Variants in XKR5 observed in about 807,000 individuals in gnomAD.
XKR5 encodes XK related 5, also known as XK-related protein 5.
XKR5 carries 46 observed loss-of-function variants against 40.8 expected under a neutral mutation model. The ratio of observed to expected loss-of-function variants is 1.13; its 90% confidence interval spans 0.89 to 1.44. The LOEUF is 1.44. XKR5 is among the 40% of genes most tolerant of loss of function. The probability of loss-of-function intolerance (pLI) is 0.00; values close to 1 mark genes in which losing one functional copy is unlikely to be tolerated. For missense variants in XKR5, 1,169 were observed against 844.7 expected, an observed-to-expected ratio of 1.38 and a Z score of -4.76; for synonymous variants, 466 against 356.1, an observed-to-expected ratio of 1.31 and a Z score of -3.48.
At chr8:6,833,193 C>T (rs115223042) in intron 1 of XKR5, among the ~76,000 whole-genome samples, 46 of 152,332 alleles carry the variant, frequency 3.0e-4, no homozygotes, top group African/African-American at 1.1e-3. Flanking sequence ...CATCCCAGGG[C>T]CCAGTGCCAG....
intron 2 of XKR5, among the ~76,000 whole-genome samples, chr8:6,827,967 C>G (rs1403665528): frequency 6.6e-6 from 1 of 151,888 alleles, no homozygotes; most frequent in Non-Finnish European, 1.5e-5. Context: ...ACTCAGGAGG[C>G]TGAGATGGGA....
intron 3 of XKR5, among the ~76,000 whole-genome samples, chr8:6,824,511 CT>C (rs1224812278): frequency 6.6e-6 from 1 of 152,116 alleles, no homozygotes; most frequent in African/African-American, 2.4e-5. Context: ...GTATAAGCCT[CT>C]GGCTTTGTTA....
intron 5 of XKR5, among the ~76,000 whole-genome samples, chr8:6,817,368 C>G (rs1412500173): frequency 6.6e-6 from 1 of 152,140 alleles, no homozygotes; most frequent in Non-Finnish European, 1.5e-5. Flanking sequence ...CATGCTCTTC[C>G]CAAACGACAT....
chr8:6,825,086 G>T lies in XKR5; in HGVS notation c.427+79C>A, dbSNP rs1342346981. On this transcript the variant is annotated intron_variant, in intron 3 of 6. Coordinates refer to ENST00000618742, the MANE Select transcript of XKR5 (RefSeq NM_207411.5). The stretch of plus-strand genomic sequence containing the variant: ...CTAAGCAGAGGAAATCTCGAAGGGA[G>T]GGTTTTGCTAAACAGGCTCACATTC... The T allele has an allele frequency of 7.1e-6, 11 of 1,547,802 alleles. No individual in the cohort carries two copies. In the African/African-American group the frequency reaches 1.5e-4, roughly 21 times the overall value.
chr8:6,833,986 C>A (rs1168467328), intron 1 of XKR5, among the ~76,000 whole-genome samples: 2 of 152,164 alleles, frequency 1.3e-5, no homozygotes, highest in Non-Finnish European at 2.9e-5. Flanking sequence ...AGAGAATGTG[C>A]ACTCCGCAGT....
chr8:6,825,079 G>C, intron 3 of XKR5, 86 bp downstream of exon 3: 2 of 1,521,622 alleles, frequency 1.3e-6, no homozygotes, highest in Non-Finnish European at 1.8e-6. Context: ...AGGAAATCTC[G>C]AAGGGAGGGT....
intron 2 of XKR5, among the ~76,000 whole-genome samples, chr8:6,830,264 C>G (rs184837880): frequency 1.3e-4 from 20 of 152,306 alleles, no homozygotes; most frequent in African/African-American, 4.8e-4. Context: ...GTGCCAAACG[C>G]AATTGTTTTG....
chr8:6,828,390 G>A (rs1804616688), intron 2 of XKR5, among the ~76,000 whole-genome samples: 1 of 152,196 alleles, frequency 6.6e-6, no homozygotes, highest in South Asian at 2.1e-4. Flanking sequence ...AATATCTGGT[G>A]CTTGGTAAGG....
Position 6,821,911 on chromosome 8 carries a change from G to T in XKR5, c.765C>A (p.Phe255Leu), listed in dbSNP as rs777460487. Residue 255 changes from phenylalanine (F) to leucine (L), a missense_variant, in exon 5 of 7, where the codon TTC (phenylalanine) becomes TTA (leucine). By Grantham distance (22) the Phe-to-Leu change is conservative. Transcript: ENST00000618742. ...GAVYILCYLS[F>L]WDSPSRNRMV... ...TCCTATTTCTAGAAGGGCTGTCCCA[G>T]AAGCTGAGGTAGCAGAGGATGTACA... is the stretch of plus-strand genomic sequence containing the variant. 6.8e-6 allele frequency: 11 copies of T among 1,613,406 alleles called. No homozygotes were observed. The Admixed American group carries it at 1.5e-4, about 22-fold the overall frequency.
chr8:6,827,795 G>A (rs749150900), intron 2 of XKR5, among the ~76,000 whole-genome samples: 5 of 152,164 alleles, frequency 3.3e-5, no homozygotes, highest in African/African-American at 1.2e-4. Flanking sequence ...GACCACAGGC[G>A]AAGTAAGAGA....
chr8:6,825,435 T>C, intron 2 of XKR5, 86 bp from the exon 3 acceptor site: 1 of 1,342,714 alleles, frequency 7.4e-7, no homozygotes, highest in Middle Eastern at 2.7e-4. Flanking sequence ...ACATACTACA[T>C]GCTAAGCAAT....
chr8:6,811,843 TTC>T lies in XKR5; in HGVS notation c.1414_1415del (p.Glu472ArgfsTer4), dbSNP rs1421860374. ...PSTLENSSAF[E>X]GVPKAEADPL... is the part of the protein sequence containing the mutation. The stretch of plus-strand genomic sequence containing the variant: ...GGTCGGCCTCTGCTTTAGGGACACC[TTC>T]AAACGCAGAGCTGTTCTCTAAGGTT... On this transcript the variant is annotated frameshift_variant, in exon 7 of 7. Coordinates refer to ENST00000618742, the MANE Select transcript of XKR5 (RefSeq NM_207411.5). LOFTEE classifies it low-confidence loss of function (END_TRUNC). 1 of 1,537,624 alleles carries T rather than the reference TTC, an allele frequency of 6.5e-7. No homozygotes were observed. Among genetic ancestry groups the T allele is most frequent in the Non-Finnish European group, 8.7e-7 (1 of 1,146,996 alleles).
intron 2 of XKR5, among the ~76,000 whole-genome samples, chr8:6,830,150 T>G (rs1804695008): frequency 2.0e-5 from 3 of 152,200 alleles, no homozygotes; most frequent in Admixed American, 2.0e-4. Context: ...ATCCTTGCAT[T>G]TTTATAAGCA....
Position 6,811,726 on chromosome 8 carries a change from G to A in XKR5, c.1533C>T (p.Thr511=), listed in dbSNP as rs1803702557. ...AAACAGCGTCAGCTCCTTCCTTTGG[G>A]GTGCCCTCCCCCTGCGTGGCTGCTG... ...QNPAATQGEG[T]PKEGADAVSG... The change falls in exon 7 of 7, where the codon ACC becomes ACT. Residue 511 remains threonine, a synonymous_variant. Transcript: ENST00000618742. 9 of 1,537,570 alleles carry A rather than the reference G, an allele frequency of 5.9e-6. No homozygotes were observed. Among genetic ancestry groups the A allele is most frequent in the South Asian group, 1.2e-5 (1 of 84,062 alleles).
rs1389657721 is a variant in XKR5 at position 6,811,731 on chromosome 8, C to T, written c.1528G>A (p.Gly510Ser). 6.5e-7 allele frequency: 1 copy of T among 1,537,472 alleles called. No homozygotes were observed. Among genetic ancestry groups the T allele is most frequent in the Non-Finnish European group, 8.7e-7 (1 of 1,147,012 alleles). ...GCGTCAGCTCCTTCCTTTGGGGTGC[C>T]CTCCCCCTGCGTGGCTGCTGGGTTC... ...TQNPAATQGE[G>S]TPKEGADAVS... Residue 510 changes from glycine to serine, a missense_variant, in exon 7 of 7, where the codon GGC becomes AGC. Transcript: ENST00000618742.
At chr8:6,816,003 C>G (rs1563349721) in intron 5 of XKR5, 85 bp from the exon 6 acceptor site, 6 of 979,930 alleles carry the variant, frequency 6.1e-6, no homozygotes, top group Non-Finnish European at 7.8e-6. Flanking sequence ...CAGCGGCTCC[C>G]CCTCCCCTCC....
chr8:6,831,056 G>C (rs1804742589), intron 2 of XKR5, among the ~76,000 whole-genome samples: 2 of 152,242 alleles, frequency 1.3e-5, no homozygotes, highest in Middle Eastern at 3.4e-3. Context: ...TCTCTCTTTG[G>C]GCTGCCAAAC....
intron 1 of XKR5, among the ~76,000 whole-genome samples, chr8:6,833,462 T>C (rs1183033126): frequency 8.5e-5 from 13 of 152,068 alleles, no homozygotes; most frequent in Middle Eastern, 3.2e-3. Context: ...CCTAATTATC[T>C]CATTAAAAAC....
At chr8:6,822,712 C>T (rs924882307) in intron 4 of XKR5, among the ~76,000 whole-genome samples, 1 of 152,212 alleles carries the variant, frequency 6.6e-6, no homozygotes, top group African/African-American at 2.4e-5. Context: ...GATGACAGCT[C>T]TCCTCGGCAG....
Sources: allele counts gnomAD v4.1 joint callset (sites outside exome capture counted in the v4.1 genomes callset), GRCh38; gene constraint gnomAD v4.1.1; transcripts MANE v1.5; gene names NCBI Gene and HGNC (gene_info 2026-07-23, HGNC 2026-07-21).